KRT19: variants seen among roughly 807,000 people sequenced by gnomAD.
KRT19 encodes the protein keratin 19.
In KRT19, 21 loss-of-function variants were observed where a neutral mutation model predicts 34.6. The ratio of observed to expected loss-of-function variants is 0.61; its 90% CI spans 0.43 to 0.87. KRT19 has a LOEUF of 0.87. Among genes scored for constraint, KRT19 ranks in the 40% least tolerant of loss-of-function variants. The pLI is 0.00. For synonymous variants in KRT19, 240 were observed against 245.8 expected (o/e 0.98, Z 0.22); for missense variants, 514 against 545.7 (o/e 0.94, Z 0.58).
rs1905931472 is a variant in KRT19, at chr17:41,528,037, C to T, written c.211G>A (p.Ala71Thr). The T allele has an allele frequency of 6.2e-7, 1 of 1,612,044 alleles. No individual in the cohort carries two copies. The highest frequency in any genetic ancestry group is 8.5e-7 in the Non-Finnish European group (1 of 1,179,660). Residue 71 changes from alanine (A) to threonine (T), a missense_variant, in exon 1 of 6, where the codon GCG becomes ACG. Transcript: ENST00000361566. ...YGGGYGGVLT[A>T]SDGLLAGNEK... ...TTGCCCGCCAGCAGCCCGTCGGACG[C>T]GGTCAGGACGCCGCCGTAGCCGCCG...
rs11550876 is a variant in KRT19 at position 41,528,029 on chromosome 17, G to C, written c.219C>G (p.Asp73Glu). The change falls in exon 1 of 6, where the codon GAC becomes GAG. Residue 73 changes from aspartate (D) to glutamate (E), a missense_variant. Asp to Glu is a conservative substitution (Grantham distance 45, BLOSUM62 2). Transcript: ENST00000361566. Reference protein sequence around the residue: ...GGYGGVLTASDGLLAGNEKLT... With the variant: ...GGYGGVLTASEGLLAGNEKLT... ...GCTTCTCGTTGCCCGCCAGCAGCCCGTCGGACGCGGTCAGGACGCCGCCGT... is the reference window on the plus strand; with the variant it reads ...GCTTCTCGTTGCCCGCCAGCAGCCCCTCGGACGCGGTCAGGACGCCGCCGT... The C allele has an allele frequency of 6.2e-7, 1 of 1,610,620 alleles. No individual in the cohort carries two copies. The highest frequency in any genetic ancestry group is 1.7e-5 in the Admixed American group (1 of 59,928).
rs766547777 is a variant in KRT19, at chr17:41,523,873, C to T, written c.1073G>A (p.Arg358Gln). The change falls in exon 6 of 6, where the codon CGG becomes CAG. Residue 358 changes from arginine to glutamine, a missense_variant. Arg to Gln is a conservative substitution (Grantham distance 43, BLOSUM62 1). Coordinates refer to ENST00000361566, the MANE Select transcript of KRT19 (RefSeq NM_002276.5). Reference protein sequence around the residue: ...QLGDVRADSERQNQEYQRLMD... With the variant: ...QLGDVRADSEQQNQEYQRLMD... ...GAGCCGCTGGTACTCCTGATTCTGC[C>T]GCTCACTATCAGCTCGCACATCGCC... 28 of 1,613,956 alleles carry T rather than the reference C, an allele frequency of 1.7e-5. No individual in the cohort carries two copies. The highest frequency in any genetic ancestry group is 1.1e-4 in the African/African-American group (8 of 74,936).
chr17:41,528,028 C>A lies in KRT19; in HGVS notation c.220G>T (p.Gly74Trp), dbSNP rs768328714. ...AGCTTCTCGTTGCCCGCCAGCAGCC[C>A]GTCGGACGCGGTCAGGACGCCGCCG... ...GYGGVLTASDGLLAGNEKLTM... is the reference protein window; with the variant it reads ...GYGGVLTASDWLLAGNEKLTM... The change falls in exon 1 of 6, where the codon GGG becomes TGG. Residue 74 changes from glycine to tryptophan, a missense_variant. Physicochemically the swap from Gly to Trp is radical, Grantham distance 184 (BLOSUM62 -2). Transcript: ENST00000361566. 188 of 1,612,502 alleles carry A rather than the reference C, an allele frequency of 1.2e-4. No homozygotes were observed. Among genetic ancestry groups the A allele is most frequent in the Non-Finnish European group, 1.5e-4 (177 of 1,179,740 alleles).
intron 1 of KRT19, chr17:41,525,481 A>G: frequency 1.8e-6 from 1 of 554,810 alleles, no homozygotes; most frequent in Non-Finnish European, 3.2e-6. Context: ...AGAAAACTGG[A>G]GCCAGGGGGA....
In KRT19 at chr17:41,524,243, G is replaced by T; in HGVS notation, c.848C>A (p.Ala283Asp). 1 of 1,614,092 alleles carries T rather than the reference G, an allele frequency of 6.2e-7. No homozygotes were observed. Among genetic ancestry groups the T allele is most frequent in the South Asian group, 1.1e-5 (1 of 91,070 alleles). Residue 283 changes from alanine (A) to aspartate (D), a missense_variant, in exon 5 of 6, where the codon GCT (alanine) becomes GAT (aspartate). Physicochemically the swap from Ala to Asp is moderately radical, Grantham distance 126. Transcript: ENST00000361566. ...SRTEELNREV[A>D]GHTEQLQMSR... ...CATCTGGAGCTGCTCCGTGTGGCCA[G>T]CGACCTCCCGGTTCAATTCTTCAGT...
At chr17:41,524,586 C>G (rs372745948) in intron 3 of KRT19, 46 bp from the exon 4 acceptor site, 9 of 1,602,380 alleles carry the variant, frequency 5.6e-6, no homozygotes, top group Non-Finnish European at 7.7e-6. Flanking sequence ...CCAGACCCCA[C>G]TGGGCCTGGC....
rs778490653 is a variant in KRT19 at position 41,524,185 on chromosome 17, G to A, written c.906C>T (p.Thr302=). 10 of 1,614,138 alleles carry A rather than the reference G, an allele frequency of 6.2e-6. No individual in the cohort carries two copies. The highest frequency in any genetic ancestry group is 8.5e-6 in the Non-Finnish European group (10 of 1,180,020). ...SRSEVTDLRR[T]LQGLEIELQS... The stretch of plus-strand genomic sequence containing the variant: ...GCAGCTCAATCTCAAGACCCTGAAG[G>A]GTGCGCCGCAGGTCAGTAACCTCGG... The change falls in exon 5 of 6, where the codon ACC becomes ACT. Residue 302 remains threonine (T), a synonymous_variant. Transcript: ENST00000361566.
In KRT19 at chr17:41,524,190, G is replaced by C; in HGVS notation, c.901C>G (p.Arg301Gly). 6.2e-7 allele frequency: 1 copy of C among 1,614,108 alleles called. No homozygotes were observed. The highest frequency in any genetic ancestry group is 1.1e-5 in the South Asian group (1 of 91,078). Residue 301 changes from arginine (R) to glycine (G), a missense_variant, in exon 5 of 6, where the codon CGC (arginine) becomes GGC (glycine). By Grantham distance (125) the Arg-to-Gly change is moderately radical. Transcript: ENST00000361566. ...TCAATCTCAAGACCCTGAAGGGTGC[G>C]CCGCAGGTCAGTAACCTCGGACCTG... ...MSRSEVTDLR[R>G]TLQGLEIELQ...
At chr17:41,525,372 G>A (rs140493833) in intron 1 of KRT19, 99 bp from the exon 2 acceptor site, 23 of 918,798 alleles carry the variant, frequency 2.5e-5, no homozygotes, top group Middle Eastern at 2.1e-4. Flanking sequence ...AATATACCCC[G>A]GCACCCTAGA....
Position 41,523,746 on chromosome 17 carries a change from GAGGA to G in KRT19, c.1196_1199del (p.Val399AlafsTer19), listed in dbSNP as rs1905750866. ...AGAAGCCCCAGAGCCTGCTGCCTCA[GAGGA>G]CCTTGGAGGCAGACAAATTGTTGTA... On this transcript the variant is annotated frameshift_variant, in exon 6 of 6. Coordinates refer to ENST00000361566, the MANE Select transcript of KRT19 (RefSeq NM_002276.5). LOFTEE classifies it high-confidence loss of function. The G allele has an allele frequency of 6.2e-7, 1 of 1,613,438 alleles. No individual in the cohort carries two copies. The highest frequency in any genetic ancestry group is 1.3e-5 in the African/African-American group (1 of 74,918).
At chr17:41,525,393 C>T in intron 1 of KRT19, 120 bp from the exon 2 acceptor site, 1 of 791,418 alleles carries the variant, frequency 1.3e-6, no homozygotes, top group Non-Finnish European at 2.2e-6. Context: ...GACCAAAGCC[C>T]TAGCCAGCAT....
Position 41,526,441 on chromosome 17 carries a change from T to C in KRT19, c.421-1168A>G, listed in dbSNP as rs575320857. ...AAGGGTGCGTAGTAAAATGTACTTA[T>C]TGTCGCAATTTTTTTTTTTTTTTGA... On this transcript the variant is annotated intron_variant, in intron 1 of 5. Coordinates refer to ENST00000361566, the MANE Select transcript of KRT19 (RefSeq NM_002276.5). 8.2e-3 allele frequency among the ~76,000 whole-genome samples: 989 copies of C among 120,492 alleles called. 13 individuals carry two copies. Among genetic ancestry groups the C allele is most frequent in the African/African-American group, 0.029 (948 of 32,506 alleles). 79.0% of individuals were successfully genotyped at this position (120,492 alleles called of 152,430 possible). A position where few individuals can be genotyped will look rare whatever the true frequency, so the allele number is the denominator to read the frequency against.
At position 41,524,200 on chromosome 17, in the gene KRT19, A is replaced by C. The variant is rs572296165; in HGVS notation, c.891T>G (p.Thr297=). Reference sequence around the variant, plus strand: ...GACCCTGAAGGGTGCGCCGCAGGTCAGTAACCTCGGACCTGCTCATCTGGA... The same window carrying C: ...GACCCTGAAGGGTGCGCCGCAGGTCCGTAACCTCGGACCTGCTCATCTGGA... ...EQLQMSRSEV[T]DLRRTLQGLE... Residue 297 remains threonine (T), a synonymous_variant, in exon 5 of 6, where the codon ACT becomes ACG. Transcript: ENST00000361566. 12 of 1,614,162 alleles carry C rather than the reference A, an allele frequency of 7.4e-6. No individual in the cohort carries two copies. The Admixed American group carries it at 8.3e-5, about 11-fold the overall frequency.
At chr17:41,527,795 C>A (rs569080949) in intron 1 of KRT19, 33 bp downstream of exon 1, 11 of 1,541,212 alleles carry the variant, frequency 7.1e-6, no homozygotes, top group East Asian at 6.8e-5. Context: ...GCGGCAGGTG[C>A]ACTGCACTTC....
intron 1 of KRT19, among the ~76,000 whole-genome samples, chr17:41,526,589 T>TG (rs1555567814): frequency 2.0e-5 from 3 of 146,620 alleles, no homozygotes; most frequent in Middle Eastern, 3.5e-3. Flanking sequence ...TTTTTTTTTT[T>TG]GAGACGGACT....
chr17:41,523,817 TCTC>T lies in KRT19; in HGVS notation c.1126_1128del (p.Glu376del). 6.2e-7 allele frequency: 1 copy of T among 1,613,824 alleles called. No individual in the cohort carries two copies. Among genetic ancestry groups the T allele is most frequent in the Non-Finnish European group, 8.5e-7 (1 of 1,179,954 alleles). The stretch of plus-strand genomic sequence containing the variant: ...TCGAGCAGGCTGCGGTAGGTGGCAA[TCTC>T]CTGCTCCAGCCGCGACTTGATGTCC... On this transcript the variant is annotated inframe_deletion, in exon 6 of 6. Transcript: ENST00000361566.
chr17:41,525,461 T>G, intron 1 of KRT19, 188 bp from the exon 2 acceptor site: 8 of 558,360 alleles, frequency 1.4e-5, no homozygotes, highest in East Asian at 3.0e-5. Context: ...GCCCAGAAGC[T>G]GGGGCAGGAA....
Position 41,526,138 on chromosome 17 carries a change from AT to A in KRT19, c.421-866del, listed in dbSNP as rs577099567. ...AGGCGCCCTCCACCACGCCCAGCTA[AT>A]TTTTTTTTGTATTTTTAGTAGAGAC... On this transcript the variant is annotated intron_variant, in intron 1 of 5. Coordinates refer to ENST00000361566, the MANE Select transcript of KRT19 (RefSeq NM_002276.5). Among the ~76,000 whole-genome samples, 1,104 of 150,776 alleles carry A rather than the reference AT, an allele frequency of 7.3e-3. 19 individuals carry two copies. Among genetic ancestry groups the A allele is most frequent in the African/African-American group, 0.026 (1,057 of 41,100 alleles).
Position 41,524,128 on chromosome 17 carries a change from T to TC in KRT19, c.948+14_948+15insG. The TC allele has an allele frequency of 3.7e-6, 6 of 1,611,330 alleles. No homozygotes were observed. Among genetic ancestry groups the TC allele is most frequent in the Non-Finnish European group, 5.1e-6 (6 of 1,178,598 alleles). On this transcript the variant is annotated intron_variant, in intron 5 of 5. Coordinates refer to ENST00000361566, the MANE Select transcript of KRT19 (RefSeq NM_002276.5). ...GAATTGCACAGGGAAGCGGCGGCGG[T>TC]GGGGGGACACATACCATGCTCAGCT...
Sources: allele counts gnomAD v4.1 joint callset (sites outside exome capture counted in the v4.1 genomes callset), GRCh38; gene constraint gnomAD v4.1.1; transcripts MANE v1.5; gene names NCBI Gene and HGNC (gene_info 2026-07-23, HGNC 2026-07-21).